Variants in MKNK1 observed in about 807,000 individuals in gnomAD.
The protein encoded by MKNK1 is MAPK interacting serine/threonine kinase 1.
MKNK1 carries 30 observed loss-of-function variants against 49.3 expected under a neutral mutation model. That is an observed-to-expected ratio of 0.61 (90% confidence interval 0.46 to 0.83). The LOEUF is 0.83. Among genes scored for constraint, MKNK1 ranks in the 40% least tolerant of loss-of-function variants. The probability of loss-of-function intolerance (pLI) is 0.00; values close to 1 mark genes in which losing one functional copy is unlikely to be tolerated. For missense variants in MKNK1, 423 were observed against 524.7 expected (o/e 0.81, Z 1.89); for synonymous variants, 176 against 201.7 (o/e 0.87, Z 1.08).
rs1406571099 is a variant in MKNK1, at chr1:46,565,062, G to A, written c.588C>T (p.Thr196=). 4.3e-6 allele frequency: 7 copies of A among 1,614,178 alleles called. No individual in the cohort carries two copies. In the African/African-American group the frequency reaches 6.7e-5, roughly 15 times the overall value. Reference sequence around the variant, plus strand: ...GTACTGGGGTGGTCAGCTCTGGTGTGGTTATGGGGGTACAGGAGTTGTTCA... The same window carrying A: ...GTACTGGGGTGGTCAGCTCTGGTGTAGTTATGGGGGTACAGGAGTTGTTCA... ...MKLNNSCTPI[T]TPELTTPCGS... Residue 196 remains threonine (T), a synonymous_variant, in exon 9 of 13, where the codon ACC becomes ACT. Coordinates refer to ENST00000371945, the MANE Select transcript of MKNK1 (RefSeq NM_001135553.4).
intron 12 of MKNK1, 75 bp downstream of exon 12, chr1:46,560,158 GC>G: frequency 6.5e-7 from 1 of 1,541,378 alleles, no homozygotes; most frequent in Non-Finnish European, 8.9e-7. Flanking sequence ...CTAGAGATGG[GC>G]TCCCCCGGCC....
intron 5 of MKNK1, chr1:46,575,721 C>G (rs572211342): frequency 6.6e-6 from 1 of 152,168 alleles, no homozygotes; most frequent in Non-Finnish European, 1.5e-5. Context: ...TAAAATAAAC[C>G]AAGTAGAGTC....
chr1:46,600,916 G>A (rs12047046), intron 1 of MKNK1, among the ~76,000 whole-genome samples: 39,285 of 151,664 alleles, frequency 0.26, 5,114 homozygotes, highest in Admixed American at 0.34. Flanking sequence ...GATTCCTTGT[G>A]TAATCTTTTT....
At chr1:46,586,139 G>A (rs1255377667) in intron 2 of MKNK1, 2 of 357,404 alleles carry the variant, frequency 5.6e-6, no homozygotes, top group East Asian at 7.4e-5. Context: ...TCCACTAGCA[G>A]GTCTGTGGGG....
chr1:46,594,847 G>T, intron 1 of MKNK1: 1 of 417,380 alleles, frequency 2.4e-6, no homozygotes, highest in Non-Finnish European at 4.8e-6. Flanking sequence ...ACTAAAATTA[G>T]CCAGGCATGG....
At chr1:46,583,063 T>A in intron 3 of MKNK1, 165 bp downstream of exon 3, 2 of 703,418 alleles carry the variant, frequency 2.8e-6, no homozygotes, top group Admixed American at 2.0e-5. Flanking sequence ...CTTTCTGTAA[T>A]GCCCTGTGTA....
chr1:46,569,821 C>T (rs1187334806), intron 7 of MKNK1: 3 of 152,236 alleles, frequency 2.0e-5, no homozygotes, highest in Non-Finnish European at 4.4e-5. Context: ...GCAAGTGCTC[C>T]CACAGAAGGA....
intron 1 of MKNK1, chr1:46,595,081 A>T: frequency 5.8e-6 from 1 of 173,846 alleles, no homozygotes; most frequent in South Asian, 8.7e-5. Flanking sequence ...CGAAAGATAA[A>T]GTAGATGCTG....
At chr1:46,581,208 A>G (rs1254720958) in intron 3 of MKNK1, among the ~76,000 whole-genome samples, 1 of 152,048 alleles carries the variant, frequency 6.6e-6, no homozygotes, top group Admixed American at 6.5e-5. Context: ...TTGGGGGAAG[A>G]AAGGGTTAAA....
chr1:46,564,570 G>A (rs1441709473), intron 9 of MKNK1, among the ~76,000 whole-genome samples: 8 of 133,326 alleles, frequency 6.0e-5, no homozygotes, highest in African/African-American at 1.5e-4. Flanking sequence ...TCCACCCCTC[G>A]GGTTCAAGCG....
At chr1:46,599,007 A>C (rs1674406391) in intron 1 of MKNK1, among the ~76,000 whole-genome samples, 1 of 152,202 alleles carries the variant, frequency 6.6e-6, no homozygotes, top group African/African-American at 2.4e-5. Context: ...TAAGTGAGCT[A>C]ATGTATATGG....
rs74661426 is a variant in MKNK1, at chr1:46,596,726, G to A, written c.-170-2446C>T. On this transcript the variant is annotated intron_variant, in intron 1 of 12. Transcript: ENST00000371945. The stretch of plus-strand genomic sequence containing the variant: ...AAGTGAGCTAATGTATATAGAGCTC[G>A]TGGCACCAGTATCTGGCATACAGTA... Among the ~76,000 whole-genome samples the A allele has an allele frequency of 3.5e-3, 526 of 152,256 alleles. 15 individuals are homozygous for A. The East Asian group carries it at 0.043, about 12-fold the overall frequency.
intron 12 of MKNK1, chr1:46,559,868 C>A: frequency 3.0e-6 from 1 of 328,732 alleles, no homozygotes; most frequent in Non-Finnish European, 5.9e-6. Context: ...ACCGTACGTG[C>A]CCCTCACTTC....
chr1:46,597,641 A>T (rs1674253103), intron 1 of MKNK1, among the ~76,000 whole-genome samples: 1 of 152,192 alleles, frequency 6.6e-6, no homozygotes, highest in Non-Finnish European at 1.5e-5. Flanking sequence ...CTTGTGCATA[A>T]TTAAATTACC....
At chr1:46,588,529 C>A (rs1672892585) in intron 2 of MKNK1, among the ~76,000 whole-genome samples, 1 of 152,098 alleles carries the variant, frequency 6.6e-6, no homozygotes, top group African/African-American at 2.4e-5. Flanking sequence ...ACTTCTTGGC[C>A]GGGCGTGGTG....
intron 2 of MKNK1, among the ~76,000 whole-genome samples, chr1:46,586,635 C>G (rs1484935095): frequency 1.3e-5 from 2 of 150,620 alleles, no homozygotes; most frequent in Non-Finnish European, 3.0e-5. Context: ...GTATGTCACA[C>G]TGGCCTTTTA....
In MKNK1 at chr1:46,564,044, C is replaced by CAAAAAAAAAAAAAAAA. The variant is rs1217205121; in HGVS notation, c.609+981_609+996dup. 3.3e-4 allele frequency among the ~76,000 whole-genome samples: 13 copies of CAAAAAAAAAAAAAAAA among 39,086 alleles called. 2 individuals carry two copies. In the East Asian group the frequency reaches 4.7e-3, roughly 14 times the overall value. 25.6% of individuals were successfully genotyped at this position (39,086 alleles called of 152,430 possible). The stretch of plus-strand genomic sequence containing the variant: ...TGGGCAACAGAGCAAGACTCTGTCT[C>CAAAAAAAAAAAAAAAA]AAAAAAAAAAAAAAAAAAAAAGGGT... On this transcript the variant is annotated intron_variant, in intron 9 of 12. Coordinates refer to ENST00000371945, the MANE Select transcript of MKNK1 (RefSeq NM_001135553.4).
chr1:46,582,779 G>A, intron 3 of MKNK1: 2 of 440,052 alleles, frequency 4.5e-6, no homozygotes, highest in South Asian at 3.2e-5. Flanking sequence ...CACAGCATAA[G>A]TAGCTACAAT....
intron 5 of MKNK1, chr1:46,576,100 G>C (rs1271448535): frequency 6.4e-6 from 1 of 156,548 alleles, no homozygotes; most frequent in Non-Finnish European, 1.4e-5. Context: ...TGGGGCTAGA[G>C]ATGAGCCGGA....
Sources: gnomAD v4.1 joint callset for allele counts (sites outside exome capture counted in the v4.1 genomes callset) on GRCh38, gnomAD v4.1.1 for gene constraint, MANE v1.5 for transcripts, NCBI Gene and HGNC (gene_info 2026-07-23, HGNC 2026-07-21) for gene names.